HACD4: variants seen among roughly 807,000 people sequenced by gnomAD.
HACD4 encodes the protein 3-hydroxyacyl-CoA dehydratase 4.
Under a neutral mutation model 33.3 loss-of-function variants are expected in HACD4, and 35 were observed. The ratio of observed to expected loss-of-function variants is 1.05; its 90% CI spans 0.80 to 1.39. HACD4 has a LOEUF of 1.39. Among genes scored for constraint, HACD4 ranks in the 40% most tolerant of loss-of-function variants. HACD4 has a pLI of 0.00. For missense variants in HACD4, 323 were observed against 276.5 expected (o/e 1.17, Z -1.19); for synonymous variants, 118 against 98.0 (o/e 1.20, Z -1.21).
At position 21,008,062 on chromosome 9, in the gene HACD4, A is replaced by C. The variant is rs779037183; in HGVS notation, c.575T>G (p.Phe192Cys). 7 of 1,611,902 alleles carry C rather than the reference A, an allele frequency of 4.3e-6. No homozygotes were observed. Among genetic ancestry groups the C allele is most frequent in the Non-Finnish European group, 5.9e-6 (7 of 1,178,868 alleles). Residue 192 changes from phenylalanine to cysteine, a missense_variant, in exon 6 of 7, where the codon TTC (phenylalanine) becomes TGC (cysteine). Transcript: ENST00000495827. ...GAGATATATTTTCAGCACATATGGG[A>C]AATAGATGGATAAGTCAAAGGGCAG... The part of the protein sequence containing the change: ...TKLPFDLSIY[F>C]PYVLKIYLMM...
intron 1 of HACD4, 163 bp downstream of exon 1, chr9:21,031,390 T>A (rs563556649): frequency 3.3e-6 from 3 of 920,834 alleles, no homozygotes; most frequent in Non-Finnish European, 3.9e-6. Flanking sequence ...AGGGGTAAGT[T>A]AGCAAATACC....
In HACD4 at chr9:21,006,181, G is replaced by C. The variant is rs981544917; in HGVS notation, c.*856C>G. ...CTTTGTGTTCCCCCAAAATTCATGT[G>C]TTAAGCCCTAACCTCCAATATGATG... On this transcript the variant is annotated 3_prime_UTR_variant, in exon 7 of 7. Coordinates refer to ENST00000495827, the MANE Select transcript of HACD4 (RefSeq NM_001010915.5). The surrounding 1 kb of genome is among the most constrained non-coding windows in gnomAD (Gnocchi z 4.6). 1.3e-5 allele frequency: 2 copies of C among 152,152 alleles called. No individual in the cohort carries two copies. The highest frequency in any genetic ancestry group is 4.8e-5 in the African/African-American group (2 of 41,432). 9.4% of individuals were successfully genotyped at this position (152,152 alleles called of 1,614,324 possible).
chr9:21,013,651 T>C (rs1011087881), intron 4 of HACD4, among the ~76,000 whole-genome samples: 1 of 152,186 alleles, frequency 6.6e-6, no homozygotes, highest in African/African-American at 2.4e-5. Context: ...TCCTTTCATT[T>C]ATTTAGCTCT....
intron 3 of HACD4, among the ~76,000 whole-genome samples, chr9:21,025,166 AC>A (rs955932122): frequency 6.6e-6 from 1 of 152,076 alleles, no homozygotes; most frequent in African/African-American, 2.4e-5. Flanking sequence ...CATTACCCTA[AC>A]TTTTATTTTA....
At chr9:21,028,448 G>A (rs1172387694) in intron 2 of HACD4, among the ~76,000 whole-genome samples, 1 of 152,172 alleles carries the variant, frequency 6.6e-6, no homozygotes, top group Non-Finnish European at 1.5e-5. Flanking sequence ...TAACAAAGGC[G>A]AGACTATATC....
intron 3 of HACD4, among the ~76,000 whole-genome samples, chr9:21,020,030 T>C (rs1817864923): frequency 6.6e-6 from 1 of 152,054 alleles, no homozygotes; most frequent in Non-Finnish European, 1.5e-5. Context: ...TAGAGGGATT[T>C]TTGACAAACA....
At chr9:21,023,742 T>A (rs996658586) in intron 3 of HACD4, among the ~76,000 whole-genome samples, 3 of 151,990 alleles carry the variant, frequency 2.0e-5, no homozygotes, top group African/African-American at 7.2e-5. Flanking sequence ...GTCCAGCTAA[T>A]TTTTTTGTAT....
intron 3 of HACD4, among the ~76,000 whole-genome samples, chr9:21,021,996 T>C (rs1431057440): frequency 6.6e-6 from 1 of 152,078 alleles, no homozygotes; most frequent in Non-Finnish European, 1.5e-5. Flanking sequence ...AAGGCTACAG[T>C]AACCAAAACA....
At chr9:21,009,617 A>G (rs1050551084) in intron 5 of HACD4, among the ~76,000 whole-genome samples, 3 of 152,228 alleles carry the variant, frequency 2.0e-5, no homozygotes, top group Non-Finnish European at 2.9e-5. Context: ...TATGTGTACA[A>G]TGTGGAATGA....
intron 6 of HACD4, among the ~76,000 whole-genome samples, chr9:21,007,564 G>C (rs546798598): frequency 2.6e-5 from 4 of 152,222 alleles, no homozygotes; most frequent in Non-Finnish European, 5.9e-5. Flanking sequence ...TTATTCAAGG[G>C]TAAGTTTTTG....
chr9:21,031,225 G>A (rs1320333422), intron 1 of HACD4, among the ~76,000 whole-genome samples: 1 of 152,128 alleles, frequency 6.6e-6, no homozygotes, highest in Non-Finnish European at 1.5e-5. Flanking sequence ...AAATCACCCC[G>A]CAACTCTGCG....
rs998619848 is a variant in HACD4 at position 21,000,736 on chromosome 9, G to A, written c.*6301C>T. The A allele has an allele frequency of 8.5e-5, 13 of 152,100 alleles. No homozygotes were observed. The highest frequency in any genetic ancestry group is 6.6e-4 in the Admixed American group (10 of 15,254). The allele number at this position is 152,100 out of a possible 1,614,324, so 9.4% of individuals were successfully genotyped here. A position where few individuals can be genotyped will look rare whatever the true frequency, so the allele number is the denominator to read the frequency against. On this transcript the variant is annotated 3_prime_UTR_variant, in exon 7 of 7. Transcript: ENST00000495827. ...AAGTGGAAGATAGATACTGGGTAAA[G>A]GAAGATAATTTTTAGCATATTTTAA...
rs528795177 is a variant in HACD4, at chr9:21,024,705, G to C, written c.270+1891C>G. On this transcript the variant is annotated intron_variant, in intron 3 of 6. Transcript: ENST00000495827. ...CTTAAAAAATTATCTATTCCCTGTAGGTGCATTCTCTACACTGGCAATAAT... is the reference window on the plus strand; with the variant it reads ...CTTAAAAAATTATCTATTCCCTGTACGTGCATTCTCTACACTGGCAATAAT... Among the ~76,000 whole-genome samples the C allele has an allele frequency of 5.5e-4, 84 of 152,178 alleles. 1 individual carries two copies. The highest frequency in any genetic ancestry group is 1.2e-3 in the South Asian group (6 of 4,816).
At chr9:21,014,399 C>T (rs1842508615) in intron 4 of HACD4, among the ~76,000 whole-genome samples, 1 of 152,140 alleles carries the variant, frequency 6.6e-6, no homozygotes, top group Non-Finnish European at 1.5e-5. Context: ...CAATGAAGTA[C>T]TGCACATGCC....
rs1842266011 is a variant in HACD4, at chr9:21,006,265, AT to A, written c.*771del. 1 of 152,092 alleles carries A rather than the reference AT, an allele frequency of 6.6e-6. No individual in the cohort carries two copies. Among genetic ancestry groups the A allele is most frequent in the African/African-American group, 2.4e-5 (1 of 41,406 alleles). 9.4% of individuals were successfully genotyped at this position (152,092 alleles called of 1,614,324 possible). On this transcript the variant is annotated 3_prime_UTR_variant, in exon 7 of 7. Coordinates refer to ENST00000495827, the MANE Select transcript of HACD4 (RefSeq NM_001010915.5). This position sits in a 1 kb window ranked among gnomAD's most constrained non-coding sequence, Gnocchi z 4.6. ...GATCATGAGGGTAGAGCCCTCATGA[AT>A]GGGGTTAGTGCCATTATAAGAGACA...
At chr9:21,010,926 T>C (rs1460488266) in intron 5 of HACD4, among the ~76,000 whole-genome samples, 1 of 152,076 alleles carries the variant, frequency 6.6e-6, no homozygotes, top group Non-Finnish European at 1.5e-5. Context: ...TGACAGGAGG[T>C]AGAGCTCAGG....
chr9:21,018,988 A>C (rs1490875568), intron 3 of HACD4, among the ~76,000 whole-genome samples: 3 of 152,162 alleles, frequency 2.0e-5, no homozygotes, highest in African/African-American at 7.2e-5. Context: ...TTAGTCTAAA[A>C]GACTACTATT....
chr9:21,005,779 G>A lies in HACD4; in HGVS notation c.*1258C>T, dbSNP rs762589324. On this transcript the variant is annotated 3_prime_UTR_variant, in exon 7 of 7. Transcript: ENST00000495827. This position sits in a 1 kb window ranked among gnomAD's most constrained non-coding sequence, Gnocchi z 4.0. ...GAAGCCAGAGTATCAGGCCAAAGAGGATTATTACTAAGACTGAAGATCTCA... is the reference window on the plus strand; with the variant it reads ...GAAGCCAGAGTATCAGGCCAAAGAGAATTATTACTAAGACTGAAGATCTCA... The A allele has an allele frequency of 2.6e-5, 4 of 152,228 alleles. No individual in the cohort carries two copies. Among genetic ancestry groups the A allele is most frequent in the Non-Finnish European group, 5.9e-5 (4 of 68,074 alleles). 9.4% of individuals were successfully genotyped at this position (152,228 alleles called of 1,614,324 possible).
intron 3 of HACD4, among the ~76,000 whole-genome samples, chr9:21,019,356 G>A (rs1027366692): frequency 6.6e-6 from 1 of 152,058 alleles, no homozygotes; most frequent in African/African-American, 2.4e-5. Context: ...TCTGTGTTAA[G>A]TAATTATACC....
Sources: gnomAD v4.1 joint callset for allele counts (sites outside exome capture counted in the v4.1 genomes callset) on GRCh38, gnomAD v4.1.1 for gene constraint, Gnocchi (gnomAD v3.1) non-coding constraint, MANE v1.5 for transcripts, NCBI Gene and HGNC (gene_info 2026-07-23, HGNC 2026-07-21) for gene names.